Variants in DNAH10 observed in about 807,000 individuals in gnomAD.
The protein encoded by DNAH10 is axonemal beta dynein heavy chain 10.
In DNAH10, 348 loss-of-function variants were observed where a neutral mutation model predicts 506.6. The ratio of observed to expected loss-of-function variants is 0.69; its 90% CI spans 0.63 to 0.75. DNAH10 has a LOEUF of 0.75. Ranked by LOEUF, DNAH10 falls within the 30% of genes least tolerant of loss-of-function variation. The pLI is 0.00. For synonymous variants in DNAH10, 2,059 were observed against 2,198.6 expected, an observed-to-expected ratio of 0.94 and a Z score of 1.78; for missense variants, 5,179 against 5,787.1, an observed-to-expected ratio of 0.89 and a Z score of 3.41.
chr12:123,763,718 C>T (rs1956915405), intron 1 of DNAH10, among the ~76,000 whole-genome samples: 1 of 151,690 alleles, frequency 6.6e-6, no homozygotes, highest in Non-Finnish European at 1.5e-5. Flanking sequence ...TATGCGTCAC[C>T]ATGCCTGGCT....
At chr12:123,851,374 C>T (rs1268693795) in intron 35 of DNAH10, among the ~76,000 whole-genome samples, 6 of 148,550 alleles carry the variant, frequency 4.0e-5, no homozygotes, top group Non-Finnish European at 7.4e-5. Context: ...CTCCATGTGG[C>T]TCTTCCAGAC....
chr12:123,921,896 G>A (rs1427362796), intron 65 of DNAH10, among the ~76,000 whole-genome samples: 1 of 151,256 alleles, frequency 6.6e-6, no homozygotes, highest in African/African-American at 2.4e-5. Flanking sequence ...AGTATTTTTA[G>A]TAGAGACAGG....
In DNAH10 at chr12:123,836,468, C is replaced by T. The variant is rs558880631; in HGVS notation, c.4902+940C>T. 2.0e-5 allele frequency among the ~76,000 whole-genome samples: 3 copies of T among 152,194 alleles called. No homozygotes were observed. In the South Asian group the frequency reaches 6.2e-4, roughly 32 times the overall value. The stretch of plus-strand genomic sequence containing the variant: ...GATAGATTGTTAGAAAGCAAATTGC[C>T]CGTGAAAGGGTGTGTGTATTTTAAA... On this transcript the variant is annotated intron_variant, in intron 28 of 78. Coordinates refer to ENST00000673944, the MANE Select transcript of DNAH10 (RefSeq NM_001372106.1).
chr12:123,933,538 A>G (rs928559954), intron 77 of DNAH10, 27 bp downstream of exon 77: 11 of 1,556,652 alleles, frequency 7.1e-6, no homozygotes, highest in Non-Finnish European at 8.7e-6. Flanking sequence ...AGGGATCCAC[A>G]GCCTCTCACT....
In DNAH10 at chr12:123,931,381, G is replaced by A. The variant is rs747788417; in HGVS notation, c.12825G>A (p.Val4275=). The A allele has an allele frequency of 1.1e-5, 17 of 1,613,992 alleles. No individual in the cohort carries two copies. Among genetic ancestry groups the A allele is most frequent in the Non-Finnish European group, 1.4e-5 (17 of 1,179,910 alleles). ...TCCCGCTTGCCAACACGCCAGAAGT[G>A]TTTGGTCTCCACCCCAACGCTGAGA... ...EALPLANTPE[V]FGLHPNAEIG... Residue 4275 remains valine, a synonymous_variant, in exon 74 of 79, where the codon GTG becomes GTA. Coordinates refer to ENST00000673944, the MANE Select transcript of DNAH10 (RefSeq NM_001372106.1).
In DNAH10 at chr12:123,857,883, G is replaced by A. The variant is rs1010786331; in HGVS notation, c.6630+636G>A. Among the ~76,000 whole-genome samples the A allele has an allele frequency of 1.9e-4, 29 of 152,184 alleles. 1 individual carries two copies. The highest frequency in any genetic ancestry group is 5.1e-4 in the African/African-American group (21 of 41,520). ...ACAGCTTACCTTCTCCCCTCCCTCC[G>A]CTGGCAACCTCTGCTCGACTTCCTG... On this transcript the variant is annotated intron_variant, in intron 37 of 78. Coordinates refer to ENST00000673944, the MANE Select transcript of DNAH10 (RefSeq NM_001372106.1).
At position 123,801,356 on chromosome 12, in the gene DNAH10, G is replaced by A; in HGVS notation, c.2538G>A (p.Val846=). ...LIGTLNDAES[V]LLKDHSQELL... ...GAACGTTAAACGATGCGGAGTCTGT[G>A]CTTCTCAAAGATCATTCCCAGGAAC... Residue 846 remains valine (V), a synonymous_variant, in exon 16 of 79, where the codon GTG becomes GTA. Coordinates refer to ENST00000673944, the MANE Select transcript of DNAH10 (RefSeq NM_001372106.1). 6.2e-7 allele frequency: 1 copy of A among 1,614,186 alleles called. No individual in the cohort carries two copies.
chr12:123,930,602 T>C lies in DNAH10; in HGVS notation c.12784+29T>C, dbSNP rs928921357. On this transcript the variant is annotated intron_variant, in intron 73 of 78. Coordinates refer to ENST00000673944, the MANE Select transcript of DNAH10 (RefSeq NM_001372106.1). ...AGATTTCTCAGACATGAAAAGATGT[T>C]TTCAAGGCTTTTTCTAAGGGAGACC... 8.8e-6 allele frequency: 14 copies of C among 1,599,970 alleles called. No individual in the cohort carries two copies. In the African/African-American group the frequency reaches 1.6e-4, roughly 19 times the overall value.
At chr12:123,935,131 C>A in intron 78 of DNAH10, 2 of 635,952 alleles carry the variant, frequency 3.1e-6, no homozygotes, top group Admixed American at 2.9e-5. Context: ...TGGGCCAGGA[C>A]CCACTTTTAA....
At position 123,853,333 on chromosome 12, in the gene DNAH10, G is replaced by T. The variant is rs751244527; in HGVS notation, c.6419G>T (p.Gly2140Val). The change falls in exon 36 of 79, where the codon GGC (glycine) becomes GTC (valine). Residue 2140 changes from glycine (G) to valine (V), a missense_variant. Gly to Val is a moderately radical substitution (Grantham distance 109). Coordinates refer to ENST00000673944, the MANE Select transcript of DNAH10 (RefSeq NM_001372106.1). This position sits in a 1 kb window ranked among gnomAD's most constrained non-coding sequence, Gnocchi z 4.7. The stretch of plus-strand genomic sequence containing the variant: ...GTCATGGCTGGTGAGCTGAAGAGAG[G>T]CTCCTCTGACCTTAGGGAGGTAGGG... ...VLVMAGELKR[G>V]SSDLREDVVL... The T allele has an allele frequency of 6.2e-7, 1 of 1,612,058 alleles. No individual in the cohort carries two copies.
At chr12:123,858,796 G>A (rs886546206) in intron 37 of DNAH10, among the ~76,000 whole-genome samples, 1 of 152,134 alleles carries the variant, frequency 6.6e-6, no homozygotes, top group African/African-American at 2.4e-5. Flanking sequence ...GATGAGCTTT[G>A]AAAACATGCT....
At chr12:123,847,635 A>T (rs974425732) in intron 32 of DNAH10, among the ~76,000 whole-genome samples, 12 of 151,986 alleles carry the variant, frequency 7.9e-5, no homozygotes, top group African/African-American at 2.9e-4. Context: ...AATGGATTAG[A>T]TGATCAGGCA....
chr12:123,893,449 G>A lies in DNAH10; in HGVS notation c.9199+13G>A. 1 of 1,611,960 alleles carries A rather than the reference G, an allele frequency of 6.2e-7. No homozygotes were observed. Among genetic ancestry groups the A allele is most frequent in the Non-Finnish European group, 8.5e-7 (1 of 1,179,840 alleles). Reference sequence around the variant, plus strand: ...AGAAACTTCCCAGGTACCCGCGGTGGAGCCTGTGAACCCATTTCCCCTGCT... The same window carrying A: ...AGAAACTTCCCAGGTACCCGCGGTGAAGCCTGTGAACCCATTTCCCCTGCT... On this transcript the variant is annotated intron_variant, in intron 53 of 78. Transcript: ENST00000673944.
In DNAH10 at chr12:123,857,882, C is replaced by T. The variant is rs1158200647; in HGVS notation, c.6630+635C>T. On this transcript the variant is annotated intron_variant, in intron 37 of 78. Coordinates refer to ENST00000673944, the MANE Select transcript of DNAH10 (RefSeq NM_001372106.1). ...AACAGCTTACCTTCTCCCCTCCCTC[C>T]GCTGGCAACCTCTGCTCGACTTCCT... 2.6e-5 allele frequency among the ~76,000 whole-genome samples: 4 copies of T among 152,318 alleles called. No individual in the cohort carries two copies. The East Asian group carries it at 5.8e-4, about 22-fold the overall frequency.
Position 123,853,334 on chromosome 12 carries a change from C to A in DNAH10, c.6420C>A (p.Gly2140=), listed in dbSNP as rs1441605132. ...VLVMAGELKR[G]SSDLREDVVL... is the part of the protein sequence containing the mutation. The stretch of plus-strand genomic sequence containing the variant: ...TCATGGCTGGTGAGCTGAAGAGAGG[C>A]TCCTCTGACCTTAGGGAGGTAGGGG... The change falls in exon 36 of 79, where the codon GGC becomes GGA. Residue 2140 remains glycine, a synonymous_variant. Coordinates refer to ENST00000673944, the MANE Select transcript of DNAH10 (RefSeq NM_001372106.1). The surrounding 1 kb of genome is among the most constrained non-coding windows in gnomAD (Gnocchi z 4.7). 1.2e-6 allele frequency: 2 copies of A among 1,611,606 alleles called. No homozygotes were observed. Among genetic ancestry groups the A allele is most frequent in the Non-Finnish European group, 1.7e-6 (2 of 1,178,960 alleles).
chr12:123,887,070 C>T (rs1566049195), intron 51 of DNAH10, 72 bp from the exon 52 acceptor site: 1 of 1,498,846 alleles, frequency 6.7e-7, no homozygotes, highest in Non-Finnish European at 8.9e-7. Flanking sequence ...CCTCCAGCGT[C>T]CCCACCCCGG....
intron 48 of DNAH10, 121 bp downstream of exon 48, chr12:123,878,029 CTTTG>C: frequency 2.3e-6 from 3 of 1,295,904 alleles, no homozygotes; most frequent in Non-Finnish European, 3.2e-6. Flanking sequence ...TACCCAATGT[CTTTG>C]CTTATGTTGA....
chr12:123,855,125 C>T (rs562646814), intron 36 of DNAH10, among the ~76,000 whole-genome samples: 1 of 152,142 alleles, frequency 6.6e-6, no homozygotes. Context: ...ATCCCCGGGG[C>T]TCCTGTGTTG....
intron 1 of DNAH10, among the ~76,000 whole-genome samples, chr12:123,763,367 A>AGGAGCACCAGCT (rs147187713): frequency 3.3e-5 from 5 of 151,976 alleles, no homozygotes; most frequent in Non-Finnish European, 7.4e-5. Context: ...GCCTCCTCGC[A>AGGAGCACCAGCT]GGAGCACCAG....
Sources: gnomAD v4.1 joint callset for allele counts (sites outside exome capture counted in the v4.1 genomes callset) on GRCh38, gnomAD v4.1.1 for gene constraint, Gnocchi (gnomAD v3.1) non-coding constraint, MANE v1.5 for transcripts, NCBI Gene and HGNC (gene_info 2026-07-23, HGNC 2026-07-21) for gene names.